Variants in VPS37A observed in about 807,000 individuals in gnomAD.
VPS37A encodes vacuolar protein sorting-associated protein 37A.
In VPS37A, 30 loss-of-function variants were observed where a neutral mutation model predicts 49.8. The ratio of observed to expected loss-of-function variants is 0.60; its 90% CI spans 0.45 to 0.82. The LOEUF is 0.82. Among genes scored for constraint, VPS37A ranks in the 40% least tolerant of loss-of-function variants. VPS37A has a pLI of 0.00. For synonymous variants in VPS37A, 195 were observed against 160.6 expected, an observed-to-expected ratio of 1.21 and a Z score of -1.62; for missense variants, 593 against 464.4, an observed-to-expected ratio of 1.28 and a Z score of -2.55.
At chr8:17,322,720 G>A in the VPS37A span, among the ~76,000 whole-genome samples, 40,743 of 151,928 alleles carry the variant, frequency 0.27, 6,394 homozygotes, top group East Asian at 0.42. Context: ...AGATACTCAG[G>A]AGGGTGAGGC....
chr8:17,272,824 A>T (rs938770016), intron 4 of VPS37A, among the ~76,000 whole-genome samples: 2 of 144,882 alleles, frequency 1.4e-5, no homozygotes, highest in Non-Finnish European at 3.0e-5. Flanking sequence ...TTCAAAAAGT[A>T]TAAAGGAGTA....
intron 9 of VPS37A, among the ~76,000 whole-genome samples, chr8:17,284,215 G>A (rs1815372508): frequency 1.3e-5 from 2 of 152,190 alleles, no homozygotes; most frequent in South Asian, 4.1e-4. Flanking sequence ...AAATCCTTAG[G>A]AGAGAACAAT....
rs118055017 is a variant in VPS37A, at chr8:17,264,129, C to T, written c.126-1778C>T. Among the ~76,000 whole-genome samples the T allele has an allele frequency of 8.4e-4, 127 of 152,070 alleles. No individual in the cohort carries two copies. In the East Asian group the frequency reaches 0.022, roughly 27 times the overall value. On this transcript the variant is annotated intron_variant, in intron 1 of 11. Coordinates refer to ENST00000324849, the MANE Select transcript of VPS37A (RefSeq NM_152415.3). ...TAGGTGGGTAGATTTTTTTTAACAT[C>T]TCCCTTTCCCATTTGAGAGAAAAGG... is the stretch of plus-strand genomic sequence containing the variant.
chr8:17,283,232 T>C (rs1282057149), intron 9 of VPS37A, among the ~76,000 whole-genome samples: 1 of 152,154 alleles, frequency 6.6e-6, no homozygotes, highest in East Asian at 1.9e-4. Flanking sequence ...TACAGCTCAC[T>C]GCAGCCTTGA....
At chr8:17,304,822 T>C (rs1817351091), downstream of VPS37A, among the ~76,000 whole-genome samples, 1 of 151,426 alleles carries the variant, frequency 6.6e-6, no homozygotes, top group African/African-American at 2.4e-5. Flanking sequence ...TGGACATTTA[T>C]AATTTGTCAC....
the VPS37A span, among the ~76,000 whole-genome samples, chr8:17,308,158 TAAAC>T: frequency 6.6e-6 from 1 of 151,898 alleles, no homozygotes; most frequent in African/African-American, 2.4e-5. Flanking sequence ...TATTTCAAAA[TAAAC>T]TTTACTGCAA....
the VPS37A span, among the ~76,000 whole-genome samples, chr8:17,311,219 T>C: frequency 7.2e-5 from 11 of 152,190 alleles, no homozygotes; most frequent in Non-Finnish European, 1.3e-4. Flanking sequence ...GCAAATGATA[T>C]ATAAAATTGG....
chr8:17,311,692 C>T, the VPS37A span: 2 of 1,610,674 alleles, frequency 1.2e-6, no homozygotes, highest in South Asian at 1.1e-5. Flanking sequence ...AAAGGCAGAA[C>T]CTCTCATCAC....
intron 11 of VPS37A, among the ~76,000 whole-genome samples, chr8:17,290,843 G>A (rs557035456): frequency 6.6e-6 from 1 of 152,126 alleles, no homozygotes; most frequent in East Asian, 1.9e-4. Context: ...TTACTGCCTC[G>A]GTTTCAGAAC....
At chr8:17,248,401 A>C (rs748169547) in intron 1 of VPS37A, 1 of 455,070 alleles carries the variant, frequency 2.2e-6, no homozygotes, top group South Asian at 1.5e-5. Context: ...CACCCCTCCG[A>C]GTAGCTGGGA....
In VPS37A at chr8:17,284,615, C is replaced by G; in HGVS notation, c.1112C>G (p.Thr371Arg). Residue 371 changes from threonine (T) to arginine (R), a missense_variant and splice_region_variant, in exon 10 of 12, where the codon ACA becomes AGA. Thr to Arg is a moderately conservative substitution (Grantham distance 71, BLOSUM62 -1). Transcript: ENST00000324849. ...DFLSSFMEKR[T>R]ICHCRRAKEE... Reference sequence around the variant, plus strand: ...CTCAGTAGCTTCATGGAAAAGAGAACAGTATGTAATACTCGTCAGTTGAGG... The same window carrying G: ...CTCAGTAGCTTCATGGAAAAGAGAAGAGTATGTAATACTCGTCAGTTGAGG... 1.3e-6 allele frequency: 2 copies of G among 1,598,396 alleles called. No homozygotes were observed. Among genetic ancestry groups the G allele is most frequent in the Non-Finnish European group, 1.7e-6 (2 of 1,174,838 alleles).
intron 11 of VPS37A, among the ~76,000 whole-genome samples, chr8:17,294,650 A>C (rs1236823201): frequency 1.3e-5 from 2 of 152,180 alleles, no homozygotes; most frequent in Non-Finnish European, 2.9e-5. Context: ...GCTGGGTAGC[A>C]CAGTCCCTCA....
At chr8:17,323,363 A>C in the VPS37A span, among the ~76,000 whole-genome samples, 1 of 152,124 alleles carries the variant, frequency 6.6e-6, no homozygotes, top group Non-Finnish European at 1.5e-5. Context: ...TTTTCACTAA[A>C]AAATAGAGAA....
the VPS37A span, among the ~76,000 whole-genome samples, chr8:17,314,811 C>T: frequency 4.5e-4 from 68 of 152,204 alleles, no homozygotes; most frequent in Admixed American, 5.9e-4. Flanking sequence ...GATATGCAGT[C>T]GGTGAAGGGA....
the VPS37A span, among the ~76,000 whole-genome samples, chr8:17,322,242 C>T: frequency 1.3e-5 from 2 of 152,154 alleles, no homozygotes; most frequent in Admixed American, 1.3e-4. Context: ...GAACATCCAC[C>T]AGGTGAAGCC....
the VPS37A span, among the ~76,000 whole-genome samples, chr8:17,329,975 T>A: frequency 6.6e-6 from 1 of 152,148 alleles, no homozygotes; most frequent in African/African-American, 2.4e-5. Context: ...CAGAGGGGCA[T>A]CAAACTGTCA....
At chr8:17,265,238 G>A (rs1585970436) in intron 1 of VPS37A, among the ~76,000 whole-genome samples, 1 of 152,024 alleles carries the variant, frequency 6.6e-6, no homozygotes, top group South Asian at 2.1e-4. Flanking sequence ...GGGCAAAATG[G>A]GCTCATATCA....
chr8:17,269,195 T>C (rs1225020579), intron 4 of VPS37A, among the ~76,000 whole-genome samples: 2 of 152,182 alleles, frequency 1.3e-5, no homozygotes, highest in Non-Finnish European at 2.9e-5. Flanking sequence ...ATTTTAGATA[T>C]TATCTGTTGG....
At chr8:17,303,664 C>A (rs1262932981), downstream of VPS37A, among the ~76,000 whole-genome samples, 1 of 150,028 alleles carries the variant, frequency 6.7e-6, no homozygotes, top group Non-Finnish European at 1.5e-5. Flanking sequence ...GGCTGGAGTG[C>A]AATGGCACGA....
Sources: gnomAD v4.1 joint callset for allele counts (sites outside exome capture counted in the v4.1 genomes callset) on GRCh38, gnomAD v4.1.1 for gene constraint, MANE v1.5 for transcripts, NCBI Gene and HGNC (gene_info 2026-07-23, HGNC 2026-07-21) for gene names.